Variants in SPAG16 observed in about 807,000 individuals in gnomAD.
SPAG16 encodes the protein sperm associated antigen 16, also known as sperm-associated antigen 16 protein.
A neutral mutation model predicts 80.4 loss-of-function variants in SPAG16; 86 were observed. The observed-to-expected ratio is 1.07, with a 90% confidence interval of 0.90 to 1.28. The LOEUF (loss-of-function observed/expected upper bound fraction) is 1.28. Among genes scored for constraint, SPAG16 ranks in the 50% most tolerant of loss-of-function variants. SPAG16 has a pLI of 0.00. For synonymous variants in SPAG16, 294 were observed against 265.9 expected, an observed-to-expected ratio of 1.11 and a Z score of -1.03; for missense variants, 870 against 765.3, an observed-to-expected ratio of 1.14 and a Z score of -1.61.
chr2:213,293,264 A>C (rs1252271646), intron 1 of SPAG16, among the ~76,000 whole-genome samples: 1 of 152,092 alleles, frequency 6.6e-6, no homozygotes, highest in Non-Finnish European at 1.5e-5. Context: ...AGTCAATTAA[A>C]CCTCTTTTCC....
At chr2:213,761,000 C>G (rs1200526391) in intron 10 of SPAG16, among the ~76,000 whole-genome samples, 1 of 152,148 alleles carries the variant, frequency 6.6e-6, no homozygotes. Context: ...GTATGACCCA[C>G]TCACCCCTTA....
In SPAG16 at chr2:213,933,575, C is replaced by T. The variant is rs77798279; in HGVS notation, c.1400+3430C>T. Among the ~76,000 whole-genome samples the T allele has an allele frequency of 5.8e-3, 885 of 152,244 alleles. 10 individuals carry two copies. The highest frequency in any genetic ancestry group is 0.019 in the African/African-American group (799 of 41,546). ...CGAAGGAGAAGGGGTCGGAAACAGC[C>T]AAAATGTTACTGAATGTTGCTATTC... On this transcript the variant is annotated intron_variant, in intron 12 of 15. Transcript: ENST00000331683.
rs370077204 is a variant in SPAG16, at chr2:213,925,919, G to A, written c.1215-4041G>A. On this transcript the variant is annotated intron_variant, in intron 11 of 15. Transcript: ENST00000331683. ...TTTTTTTCTTATAATTCTTATTATT[G>A]CCAATGCTGCTCAGCAATTCACTAA... 8.1e-5 allele frequency among the ~76,000 whole-genome samples: 12 copies of A among 148,646 alleles called. No individual in the cohort carries two copies. In the East Asian group the frequency reaches 2.4e-3, roughly 29 times the overall value.
At chr2:213,920,282 AT>A (rs753999186) in intron 11 of SPAG16, among the ~76,000 whole-genome samples, 2 of 152,138 alleles carry the variant, frequency 1.3e-5, no homozygotes, top group East Asian at 1.9e-4. Context: ...GCCCATTTAC[AT>A]TTAAAGTTAT....
At chr2:213,831,065 A>C (rs1487648098) in intron 10 of SPAG16, among the ~76,000 whole-genome samples, 1 of 102,852 alleles carries the variant, frequency 9.7e-6, no homozygotes, top group Admixed American at 1.4e-4. Context: ...TTTGAGATGG[A>C]GTCTTGCTCT....
At chr2:213,885,361 A>C (rs939279005) in intron 11 of SPAG16, among the ~76,000 whole-genome samples, 2 of 152,132 alleles carry the variant, frequency 1.3e-5, no homozygotes, top group African/African-American at 4.8e-5. Flanking sequence ...CATGAACTAT[A>C]GTGTGTTGGG....
intron 12 of SPAG16, among the ~76,000 whole-genome samples, chr2:213,956,247 T>C (rs4544371): frequency 0.55 from 82,746 of 151,826 alleles, 24,234 homozygotes; most frequent in South Asian, 0.74. Context: ...TAAGCCACCA[T>C]GCCAGGCCTT....
At chr2:213,752,074 T>C (rs1044424661) in intron 10 of SPAG16, among the ~76,000 whole-genome samples, 4 of 152,190 alleles carry the variant, frequency 2.6e-5, no homozygotes, top group African/African-American at 9.7e-5. Context: ...CTAGAAACAA[T>C]TGCTTTTTAA....
At chr2:213,604,355 T>G (rs947187092) in intron 10 of SPAG16, among the ~76,000 whole-genome samples, 1 of 152,218 alleles carries the variant, frequency 6.6e-6, no homozygotes. Context: ...ATTTCATTAT[T>G]ACTGATTTCT....
At chr2:213,752,718 C>T (rs1301755604) in intron 10 of SPAG16, among the ~76,000 whole-genome samples, 5 of 152,188 alleles carry the variant, frequency 3.3e-5, no homozygotes, top group African/African-American at 1.2e-4. Flanking sequence ...ACACAGTACA[C>T]TAAAACACAA....
At chr2:213,373,469 T>C (rs905801716) in intron 8 of SPAG16, among the ~76,000 whole-genome samples, 1 of 152,186 alleles carries the variant, frequency 6.6e-6, no homozygotes, top group Non-Finnish European at 1.5e-5. Context: ...TATTAAAGTG[T>C]GTATTTTCCA....
At chr2:213,672,453 T>G (rs1231581451) in intron 10 of SPAG16, among the ~76,000 whole-genome samples, 1 of 152,162 alleles carries the variant, frequency 6.6e-6, no homozygotes, top group African/African-American at 2.4e-5. Context: ...CAGGTAAGAT[T>G]TTTTAAAAGG....
intron 13 of SPAG16, among the ~76,000 whole-genome samples, chr2:214,094,880 G>A (rs1453129283): frequency 6.6e-6 from 1 of 152,006 alleles, no homozygotes; most frequent in South Asian, 2.1e-4. Context: ...TACGTCCCAG[G>A]TGCATCATCC....
Position 213,731,428 on chromosome 2 carries a change from G to A in SPAG16, c.1071-131057G>A, listed in dbSNP as rs113055445. ...ATCCACCTCGGCCTCCCAAATTGCTGGGATTACAGGCGTGAGCCACCATGT... is the reference window on the plus strand; with the variant it reads ...ATCCACCTCGGCCTCCCAAATTGCTAGGATTACAGGCGTGAGCCACCATGT... On this transcript the variant is annotated intron_variant, in intron 10 of 15. Coordinates refer to ENST00000331683, the MANE Select transcript of SPAG16 (RefSeq NM_024532.5). Among the ~76,000 whole-genome samples, 327 of 150,802 alleles carry A rather than the reference G, an allele frequency of 2.2e-3. 1 individual carries two copies. The highest frequency in any genetic ancestry group is 7.6e-3 in the African/African-American group (312 of 41,120).
intron 12 of SPAG16, among the ~76,000 whole-genome samples, chr2:213,955,769 A>G (rs1322942402): frequency 2.0e-5 from 3 of 152,118 alleles, no homozygotes; most frequent in Non-Finnish European, 2.9e-5. Flanking sequence ...ACTATCCAAT[A>G]CATTGGCATA....
At chr2:213,916,546 G>A (rs928621419) in intron 11 of SPAG16, among the ~76,000 whole-genome samples, 3 of 152,144 alleles carry the variant, frequency 2.0e-5, no homozygotes, top group Non-Finnish European at 4.4e-5. Flanking sequence ...GTCAGGTAGT[G>A]TGATGCCTCC....
At chr2:214,208,439 T>C (rs549155296) in intron 15 of SPAG16, among the ~76,000 whole-genome samples, 21 of 152,330 alleles carry the variant, frequency 1.4e-4, no homozygotes, top group South Asian at 8.3e-4. Context: ...GTCCTTGGCA[T>C]GAACTGTGTA....
intron 10 of SPAG16, among the ~76,000 whole-genome samples, chr2:213,628,291 C>A (rs2062029098): frequency 6.6e-6 from 1 of 152,096 alleles, no homozygotes; most frequent in South Asian, 2.1e-4. Context: ...CAAATAGTAC[C>A]AAGACCTAAA....
chr2:213,713,223 G>C (rs2066083609), intron 10 of SPAG16, among the ~76,000 whole-genome samples: 1 of 152,168 alleles, frequency 6.6e-6, no homozygotes, highest in South Asian at 2.1e-4. Flanking sequence ...TGGGATTTGG[G>C]TGAGGACACA....
Sources: allele counts gnomAD v4.1 joint callset (sites outside exome capture counted in the v4.1 genomes callset), GRCh38; gene constraint gnomAD v4.1.1; transcripts MANE v1.5; gene names NCBI Gene and HGNC (gene_info 2026-07-23, HGNC 2026-07-21).